Variants in ROBO2 observed in about 807,000 individuals in gnomAD.
ROBO2 encodes roundabout homolog 2.
A neutral mutation model predicts 160.8 loss-of-function variants in ROBO2; 53 were observed. The ratio of observed to expected loss-of-function variants is 0.33; its 90% CI spans 0.26 to 0.41. The LOEUF (loss-of-function observed/expected upper bound fraction) is 0.41, where lower values mean the gene tolerates loss of function less well. Among genes scored for constraint, ROBO2 ranks in the 10% least tolerant of loss-of-function variants. The pLI is 1.00. For synonymous variants in ROBO2, 664 were observed against 611.7 expected (o/e 1.09, Z -1.26); for missense variants, 1,577 against 1,722.4 (o/e 0.92, Z 1.49).
chr3:76,443,997 G>T (rs1447024737), intron 2 of ROBO2, among the ~76,000 whole-genome samples: 1 of 152,006 alleles, frequency 6.6e-6, no homozygotes, highest in East Asian at 1.9e-4. Context: ...ATGGAGTCTT[G>T]CTCTGTCCCC....
chr3:76,949,062 T>A (rs906044931), intron 2 of ROBO2, among the ~76,000 whole-genome samples: 5 of 151,022 alleles, frequency 3.3e-5, no homozygotes, highest in African/African-American at 1.2e-4. Context: ...TAATTTAAAT[T>A]TTCATGTCTA....
chr3:76,267,186 A>G (rs1046656123), intron 2 of ROBO2, among the ~76,000 whole-genome samples: 1 of 152,214 alleles, frequency 6.6e-6, no homozygotes, highest in African/African-American at 2.4e-5. Context: ...CATGTCTTAC[A>G]ATGCCCTATT....
chr3:76,405,279 C>T (rs916545872), intron 2 of ROBO2, among the ~76,000 whole-genome samples: 1 of 150,408 alleles, frequency 6.6e-6, no homozygotes, highest in Non-Finnish European at 1.5e-5. Context: ...GTTGCTTGTT[C>T]CAGGAAGAGT....
intron 2 of ROBO2, among the ~76,000 whole-genome samples, chr3:76,973,401 G>A (rs2059664066): frequency 6.6e-6 from 1 of 151,828 alleles, no homozygotes; most frequent in African/African-American, 2.4e-5. Context: ...ATAAGAAAAT[G>A]CTTTGATAAA....
intron 2 of ROBO2, among the ~76,000 whole-genome samples, chr3:77,111,809 A>C (rs570315461): frequency 6.6e-6 from 1 of 152,318 alleles, no homozygotes; most frequent in East Asian, 1.9e-4. Flanking sequence ...CGAGGTTAAT[A>C]AAGAGATGCA....
chr3:76,837,416 T>C (rs2067799531), intron 2 of ROBO2, among the ~76,000 whole-genome samples: 1 of 151,896 alleles, frequency 6.6e-6, no homozygotes, highest in Non-Finnish European at 1.5e-5. Flanking sequence ...AAAATATTTG[T>C]ATTGAAAGAG....
intron 2 of ROBO2, among the ~76,000 whole-genome samples, chr3:76,081,166 C>CAT (rs57052008): frequency 7.9e-5 from 12 of 151,192 alleles, no homozygotes; most frequent in African/African-American, 2.2e-4. Flanking sequence ...TGTATATATA[C>CAT]ATATATATAT....
At chr3:77,040,981 C>T (rs1362831244) in intron 1 of ROBO2, 135 bp downstream of exon 1, 2 of 1,125,804 alleles carry the variant, frequency 1.8e-6, no homozygotes, top group Non-Finnish European at 2.6e-6. Flanking sequence ...CCGGCACGGG[C>T]TCCTTGGGGG....
At chr3:77,425,955 G>A (rs536855826) in intron 2 of ROBO2, among the ~76,000 whole-genome samples, 67 of 152,016 alleles carry the variant, frequency 4.4e-4, no homozygotes, top group South Asian at 4.2e-4. Context: ...GAGCCACAGC[G>A]CCCAGCCCCT....
intron 2 of ROBO2, among the ~76,000 whole-genome samples, chr3:76,308,376 CAAA>C (rs71277580): frequency 7.0e-5 from 6 of 85,578 alleles, no homozygotes; most frequent in Admixed American, 1.5e-4. Flanking sequence ...GACTCTGTCT[CAAA>C]AAAAAAAAAA....
At chr3:76,978,984 C>T (rs1447075362) in intron 2 of ROBO2, among the ~76,000 whole-genome samples, 3 of 151,324 alleles carry the variant, frequency 2.0e-5, no homozygotes, top group African/African-American at 7.3e-5. Context: ...GCCCTGTTGC[C>T]AAAGCTGGAG....
chr3:77,205,954 T>C (rs1000238553), intron 2 of ROBO2, among the ~76,000 whole-genome samples: 1 of 152,002 alleles, frequency 6.6e-6, no homozygotes, highest in African/African-American at 2.4e-5. Flanking sequence ...TCTTACAGTT[T>C]TGGGGGACTG....
chr3:77,333,642 T>C (rs1274497445), intron 2 of ROBO2, among the ~76,000 whole-genome samples: 1 of 152,196 alleles, frequency 6.6e-6, no homozygotes, highest in Non-Finnish European at 1.5e-5. Context: ...TACCATCACA[T>C]ATGCCTAAAT....
chr3:77,517,470 G>A (rs563184084), intron 5 of ROBO2, among the ~76,000 whole-genome samples: 2 of 151,718 alleles, frequency 1.3e-5, no homozygotes, highest in Admixed American at 6.6e-5. Context: ...TTTATTCTGA[G>A]TGACCAAATG....
intron 2 of ROBO2, among the ~76,000 whole-genome samples, chr3:77,106,034 G>C: frequency 6.6e-6 from 1 of 152,004 alleles, no homozygotes; most frequent in East Asian, 1.9e-4. Context: ...ATTTCTTACT[G>C]TAATTTTTTG....
intron 2 of ROBO2, among the ~76,000 whole-genome samples, chr3:76,432,621 A>G (rs965462177): frequency 2.6e-5 from 4 of 152,182 alleles, no homozygotes; most frequent in Non-Finnish European, 4.4e-5. Flanking sequence ...CTCACGACAT[A>G]GCAGCTGGAT....
At chr3:77,344,683 A>G (rs967166479) in intron 2 of ROBO2, among the ~76,000 whole-genome samples, 1 of 152,126 alleles carries the variant, frequency 6.6e-6, no homozygotes, top group African/African-American at 2.4e-5. Context: ...TAGCAGCCCA[A>G]ATGGACTGAA....
At chr3:76,288,565 G>A (rs776710454) in intron 2 of ROBO2, among the ~76,000 whole-genome samples, 6 of 151,710 alleles carry the variant, frequency 4.0e-5, no homozygotes, top group African/African-American at 7.3e-5. Context: ...TGTCTCAGGT[G>A]TTTGGTTTAA....
chr3:76,141,719 A>C (rs1448069973), intron 2 of ROBO2, among the ~76,000 whole-genome samples: 1 of 151,964 alleles, frequency 6.6e-6, no homozygotes, highest in Non-Finnish European at 1.5e-5. Context: ...AAGTATTTGA[A>C]GATTGGTTTA....
Sources: gnomAD v4.1 joint callset for allele counts (sites outside exome capture counted in the v4.1 genomes callset) on GRCh38, gnomAD v4.1.1 for gene constraint, MANE v1.5 for transcripts, NCBI Gene and HGNC (gene_info 2026-07-23, HGNC 2026-07-21) for gene names.